Variants in WWOX observed in about 807,000 individuals in gnomAD.
The protein encoded by WWOX is WW domain containing oxidoreductase.
A neutral mutation model predicts 46.2 loss-of-function variants in WWOX; 69 were observed. That is an observed-to-expected ratio of 1.49 (90% CI 1.23 to 1.82). The LOEUF is 1.82. WWOX is among the 40% of genes most tolerant of loss of function. The pLI is 0.00. For missense variants in WWOX, 919 were observed against 542.6 expected (o/e 1.69, Z -6.89); for synonymous variants, 359 against 202.6 (o/e 1.77, Z -6.56).
At chr16:79,025,722 A>G (rs1178573157) in intron 8 of WWOX, among the ~76,000 whole-genome samples, 3 of 149,388 alleles carry the variant, frequency 2.0e-5, no homozygotes, top group East Asian at 2.0e-4. Flanking sequence ...CCCTTTAATG[A>G]TTTTCTCCAT....
intron 8 of WWOX, among the ~76,000 whole-genome samples, chr16:79,122,222 T>G (rs1026272913): frequency 6.6e-6 from 1 of 152,120 alleles, no homozygotes; most frequent in African/African-American, 2.4e-5. Context: ...AATTAAAAGC[T>G]GTATACTACA....
intron 8 of WWOX, among the ~76,000 whole-genome samples, chr16:78,731,020 T>A (rs896941978): frequency 1.3e-4 from 20 of 152,214 alleles, no homozygotes; most frequent in African/African-American, 4.8e-4. Context: ...ATATTGATGT[T>A]ACCGTACTAT....
intron 8 of WWOX, among the ~76,000 whole-genome samples, chr16:79,109,013 G>C (rs1219173314): frequency 6.6e-6 from 1 of 151,918 alleles, no homozygotes; most frequent in African/African-American, 2.4e-5. Flanking sequence ...GCATGAGCTT[G>C]GCAGATGCAA....
intron 6 of WWOX, among the ~76,000 whole-genome samples, chr16:78,422,663 G>GTGTATATATATATATATA (rs1438850450): frequency 1.2e-4 from 3 of 24,382 alleles, no homozygotes; most frequent in Non-Finnish European, 3.2e-4. Context: ...TTTTTTACAT[G>GTGTATATATATATATATA]TATATATATA....
intron 8 of WWOX, among the ~76,000 whole-genome samples, chr16:78,710,797 T>G (rs987521790): frequency 1.3e-5 from 2 of 151,500 alleles, no homozygotes; most frequent in Non-Finnish European, 2.9e-5. Context: ...TAATTTTTTG[T>G]AGAGATAGGA....
chr16:78,326,434 G>T (rs2080616821), intron 5 of WWOX, among the ~76,000 whole-genome samples: 1 of 152,000 alleles, frequency 6.6e-6, no homozygotes, highest in Non-Finnish European at 1.5e-5. Context: ...AGAAACAAGG[G>T]GTTGAACGTT....
At chr16:78,622,107 G>A (rs779912944) in intron 8 of WWOX, among the ~76,000 whole-genome samples, 2 of 152,158 alleles carry the variant, frequency 1.3e-5, no homozygotes, top group Non-Finnish European at 2.9e-5. Context: ...TACCTGGGCA[G>A]CAGATAATTT....
At chr16:78,581,998 A>G (rs1056863595) in intron 8 of WWOX, among the ~76,000 whole-genome samples, 4 of 152,274 alleles carry the variant, frequency 2.6e-5, no homozygotes, top group Non-Finnish European at 4.4e-5. Flanking sequence ...GCATCAAAAC[A>G]TTGTTTTAAA....
chr16:78,723,175 T>C (rs2048734594), intron 8 of WWOX, among the ~76,000 whole-genome samples: 1 of 152,216 alleles, frequency 6.6e-6, no homozygotes, highest in Non-Finnish European at 1.5e-5. Context: ...ATAGAACATT[T>C]CCCTCTGATT....
intron 6 of WWOX, among the ~76,000 whole-genome samples, chr16:78,421,390 C>A (rs1005365754): frequency 1.3e-5 from 2 of 152,146 alleles, no homozygotes; most frequent in African/African-American, 4.8e-5. Flanking sequence ...CTTTCCATCT[C>A]CTTCTCTGTG....
intron 8 of WWOX, among the ~76,000 whole-genome samples, chr16:78,794,171 G>A (rs747463292): frequency 2.0e-5 from 3 of 152,114 alleles, no homozygotes; most frequent in Non-Finnish European, 4.4e-5. Flanking sequence ...CCCAGAAGCT[G>A]CCTTGCTTCT....
intron 6 of WWOX, among the ~76,000 whole-genome samples, chr16:78,394,241 T>C (rs906804257): frequency 5.3e-5 from 8 of 152,292 alleles, no homozygotes; most frequent in Admixed American, 2.0e-4. Flanking sequence ...CAGAAGATCA[T>C]CTTGCTTTGC....
intron 8 of WWOX, among the ~76,000 whole-genome samples, chr16:79,073,563 T>A (rs1419787140): frequency 6.6e-6 from 1 of 152,214 alleles, no homozygotes; most frequent in Non-Finnish European, 1.5e-5. Flanking sequence ...AGACTTTGTT[T>A]CATTTTAAGA....
chr16:78,907,706 G>A (rs564576186), intron 8 of WWOX, among the ~76,000 whole-genome samples: 1 of 152,184 alleles, frequency 6.6e-6, no homozygotes, highest in Non-Finnish European at 1.5e-5. Flanking sequence ...AGACAGTTGG[G>A]TAAGTTACTA....
intron 8 of WWOX, among the ~76,000 whole-genome samples, chr16:78,646,845 A>T (rs1304160451): frequency 6.6e-6 from 1 of 152,174 alleles, no homozygotes; most frequent in African/African-American, 2.4e-5. Flanking sequence ...CATCAGCCGA[A>T]ACTAACTCTG....
intron 6 of WWOX, among the ~76,000 whole-genome samples, chr16:78,407,064 C>A (rs2082566415): frequency 6.6e-6 from 1 of 152,188 alleles, no homozygotes; most frequent in African/African-American, 2.4e-5. Flanking sequence ...ACTGAGGCAG[C>A]TGTTGAAGGG....
chr16:78,773,832 G>A (rs192274131), intron 8 of WWOX, among the ~76,000 whole-genome samples: 5 of 152,158 alleles, frequency 3.3e-5, no homozygotes, highest in Admixed American at 1.3e-4. Flanking sequence ...TGAACAGGGA[G>A]CTTGGCTGCA....
chr16:78,378,935 C>G (rs1428313008), intron 5 of WWOX, among the ~76,000 whole-genome samples: 1 of 152,136 alleles, frequency 6.6e-6, no homozygotes, highest in Admixed American at 6.5e-5. Context: ...GTTACGTCTT[C>G]AAGAATATGA....
chr16:78,456,890 A>G (rs543401818), intron 8 of WWOX, among the ~76,000 whole-genome samples: 6 of 152,384 alleles, frequency 3.9e-5, no homozygotes, highest in Non-Finnish European at 7.3e-5. Flanking sequence ...GAACTATCAA[A>G]TTAGTTCACG....
Sources: gnomAD v4.1 joint callset for allele counts (sites outside exome capture counted in the v4.1 genomes callset) on GRCh38, gnomAD v4.1.1 for gene constraint, MANE v1.5 for transcripts, NCBI Gene and HGNC (gene_info 2026-07-23, HGNC 2026-07-21) for gene names.